MAF: variants seen among roughly 807,000 people sequenced by gnomAD.
MAF encodes the protein MAF bZIP transcription factor, also known as transcription factor Maf.
Under a neutral mutation model 22.0 loss-of-function variants are expected in MAF, and 10 were observed. The ratio of observed to expected loss-of-function variants is 0.45; its 90% confidence interval spans 0.28 to 0.77. MAF has a LOEUF of 0.77. Among genes scored for constraint, MAF ranks in the 30% least tolerant of loss-of-function variants. The probability of loss-of-function intolerance (pLI) is 0.12; values close to 1 mark genes in which losing one functional copy is unlikely to be tolerated. For missense variants in MAF, 544 were observed against 548.4 expected (o/e 0.99, Z 0.08); for synonymous variants, 337 against 255.8 (o/e 1.32, Z -3.03).
chr16:79,408,618 T>TCC, the MAF span, among the ~76,000 whole-genome samples: 2 of 151,132 alleles, frequency 1.3e-5, no homozygotes, highest in East Asian at 3.9e-4. Context: ...CTTCCTTCCT[T>TCC]TCTTCCTTTT....
chr16:79,401,061 T>A, the MAF span, among the ~76,000 whole-genome samples: 8,598 of 152,224 alleles, frequency 0.056, 304 homozygotes, highest in African/African-American at 0.093. Flanking sequence ...CAGGAAGTGG[T>A]GAGGTCGGCT....
At chr16:79,339,589 T>C in the MAF span, among the ~76,000 whole-genome samples, 1 of 152,180 alleles carries the variant, frequency 6.6e-6, no homozygotes, top group Non-Finnish European at 1.5e-5. Context: ...GGTTTGTTTT[T>C]TATATAGCCA....
the MAF span, among the ~76,000 whole-genome samples, chr16:79,571,364 A>G: frequency 6.6e-6 from 1 of 152,126 alleles, no homozygotes; most frequent in African/African-American, 2.4e-5. Flanking sequence ...CAGAAACAAA[A>G]CAAAATAAAA....
At chr16:79,211,034 A>AGGGTGTGTGT in the MAF span, among the ~76,000 whole-genome samples, 5 of 149,602 alleles carry the variant, frequency 3.3e-5, no homozygotes, top group African/African-American at 1.2e-4. Flanking sequence ...TATGGTGAGG[A>AGGGTGTGTGT]GTGTGTGTGT....
At chr16:79,342,123 C>T in the MAF span, among the ~76,000 whole-genome samples, 2 of 152,198 alleles carry the variant, frequency 1.3e-5, no homozygotes, top group Admixed American at 6.5e-5. Context: ...GTATGTAACA[C>T]CGAATCTCAG....
At chr16:79,339,893 A>G in the MAF span, among the ~76,000 whole-genome samples, 3 of 152,210 alleles carry the variant, frequency 2.0e-5, no homozygotes, top group Admixed American at 1.3e-4. Flanking sequence ...CTTCTCCGCT[A>G]AAAGCATCCT....
At chr16:79,285,518 G>T in the MAF span, among the ~76,000 whole-genome samples, 3 of 152,178 alleles carry the variant, frequency 2.0e-5, no homozygotes, top group African/African-American at 4.8e-5. Context: ...AGCAGGGAAG[G>T]CTTGTGCAAA....
the MAF span, among the ~76,000 whole-genome samples, chr16:79,284,365 C>A: frequency 1.3e-5 from 2 of 152,222 alleles, no homozygotes; most frequent in Admixed American, 1.3e-4. Context: ...GCCCCATTCA[C>A]TTGGCAACAT....
chr16:79,431,972 A>G, the MAF span, among the ~76,000 whole-genome samples: 3 of 152,188 alleles, frequency 2.0e-5, no homozygotes, highest in Non-Finnish European at 4.4e-5. Flanking sequence ...ATATTCCAGG[A>G]TGTTCCCTAG....
At chr16:79,485,729 G>A in the MAF span, among the ~76,000 whole-genome samples, 1 of 152,146 alleles carries the variant, frequency 6.6e-6, no homozygotes, top group Non-Finnish European at 1.5e-5. Flanking sequence ...GATCTGTCGG[G>A]TTCCTCCTGA....
At chr16:79,363,775 G>A in the MAF span, among the ~76,000 whole-genome samples, 1 of 152,206 alleles carries the variant, frequency 6.6e-6, no homozygotes, top group Admixed American at 6.5e-5. Context: ...CTTGGTAAGA[G>A]TTGTAAAGGA....
chr16:79,487,426 C>G, the MAF span, among the ~76,000 whole-genome samples: 3 of 151,880 alleles, frequency 2.0e-5, no homozygotes, highest in African/African-American at 7.3e-5. Flanking sequence ...GTGGGCCTAT[C>G]ATGCACTTAA....
Position 79,598,865 on chromosome 16 carries a change from C to T in MAF, c.1038G>A (p.Glu346=), listed in dbSNP as rs1196071265. ...RLVRERDAYK[E]KYEKLVSSGF... ...CGCTGCTCACCAACTTCTCGTATTT[C>T]TCCTTGTACGCGTCCCTCTCGCGCA... is the stretch of plus-strand genomic sequence containing the variant. The change falls in exon 1 of 2, where the codon GAG becomes GAA. Residue 346 remains glutamate, a synonymous_variant. Transcript: ENST00000326043. 1.9e-6 allele frequency: 3 copies of T among 1,613,774 alleles called. No homozygotes were observed. In the African/African-American group the frequency reaches 4.0e-5, roughly 22 times the overall value.
At chr16:79,356,260 C>T in the MAF span, among the ~76,000 whole-genome samples, 1 of 152,182 alleles carries the variant, frequency 6.6e-6, no homozygotes, top group Non-Finnish European at 1.5e-5. Flanking sequence ...TGCCATCACA[C>T]ATGCGACACA....
chr16:79,255,633 G>C, the MAF span, among the ~76,000 whole-genome samples: 1 of 152,126 alleles, frequency 6.6e-6, no homozygotes, highest in Non-Finnish European at 1.5e-5. Context: ...CTAAACTCTT[G>C]GTCTGTGGAA....
chr16:79,411,991 A>G, the MAF span, among the ~76,000 whole-genome samples: 1 of 152,182 alleles, frequency 6.6e-6, no homozygotes, highest in Non-Finnish European at 1.5e-5. Context: ...TGTTACCAGT[A>G]CCACGATAAT....
chr16:79,546,550 A>G, the MAF span, among the ~76,000 whole-genome samples: 1 of 152,330 alleles, frequency 6.6e-6, no homozygotes, highest in South Asian at 2.1e-4. Flanking sequence ...ATATAAGATT[A>G]TTATGGGGTT....
At chr16:79,350,699 GC>G in the MAF span, among the ~76,000 whole-genome samples, 1 of 152,184 alleles carries the variant, frequency 6.6e-6, no homozygotes, top group Non-Finnish European at 1.5e-5. Context: ...AGAGGCCTGG[GC>G]TGCTGAGACC....
chr16:79,589,249 G>A (rs1367618953), downstream of MAF, among the ~76,000 whole-genome samples: 3 of 152,214 alleles, frequency 2.0e-5, no homozygotes, highest in African/African-American at 7.2e-5. Context: ...CTGGATGCCT[G>A]AGATGTGTCT....
Sources: allele counts gnomAD v4.1 joint callset (sites outside exome capture counted in the v4.1 genomes callset), GRCh38; gene constraint gnomAD v4.1.1; transcripts MANE v1.5; gene names NCBI Gene and HGNC (gene_info 2026-07-23, HGNC 2026-07-21).